Variants in PPP1R13B observed in about 807,000 individuals in gnomAD.
PPP1R13B encodes apoptosis-stimulating of p53 protein 1.
Under a neutral mutation model 119.8 loss-of-function variants are expected in PPP1R13B, and 44 were observed. That is an observed-to-expected ratio of 0.37 (90% CI 0.29 to 0.47). The LOEUF is 0.47. Among genes scored for constraint, PPP1R13B ranks in the 20% least tolerant of loss-of-function variants. The pLI is 0.99. For synonymous variants in PPP1R13B, 542 were observed against 561.5 expected (o/e 0.97, Z 0.49); for missense variants, 1,227 against 1,413.5 (o/e 0.87, Z 2.12).
rs891656496 is a variant in PPP1R13B at position 103,847,518 on chromosome 14, G to GGCC, written c.-214_-212dup. 3.4e-4 allele frequency: 334 copies of GGCC among 984,584 alleles called. No homozygotes were observed. Among genetic ancestry groups the GGCC allele is most frequent in the Admixed American group, 1.1e-3 (18 of 16,012 alleles). The allele number at this position is 984,584 out of a possible 1,614,324, so 61.0% of individuals were successfully genotyped here. ...CGCTGCGTCGCTGTCCCGGGCACCC[G>GGCC]GCCGCCGCCGCCGCCGCCTCAACCT... On this transcript the variant is annotated 5_prime_UTR_variant, in exon 1 of 17. Transcript: ENST00000202556.
At chr14:103,760,855 A>G (rs930380711) in intron 4 of PPP1R13B, among the ~76,000 whole-genome samples, 9 of 152,204 alleles carry the variant, frequency 5.9e-5, no homozygotes, top group Non-Finnish European at 1.3e-4. Flanking sequence ...TTATCTGATC[A>G]TATCACTGCC....
intron 4 of PPP1R13B, among the ~76,000 whole-genome samples, chr14:103,769,141 A>C (rs886617189): frequency 1.3e-5 from 2 of 152,102 alleles, no homozygotes; most frequent in Non-Finnish European, 2.9e-5. Context: ...GCTGGAGTGC[A>C]GTGGTGCGAT....
chr14:103,778,504 T>G (rs1400028548), intron 4 of PPP1R13B: 1 of 416,694 alleles, frequency 2.4e-6, no homozygotes, highest in Non-Finnish European at 4.3e-6. Flanking sequence ...TCGTGATCTG[T>G]GCGCCTCAGT....
chr14:103,784,874 A>T lies in PPP1R13B; in HGVS notation c.198T>A (p.Leu66=). ...CTTCCCTCCGTGGACCCCATTTCTG[A>T]AGATGTTCGTACATCATATGATCAA... ...IPFDHMMYEH[L]QKWGPRREEV... The change falls in exon 3 of 17, where the codon CTT becomes CTA. Residue 66 remains leucine, a synonymous_variant. Coordinates refer to ENST00000202556, the MANE Select transcript of PPP1R13B (RefSeq NM_015316.3). The T allele has an allele frequency of 6.2e-7, 1 of 1,608,892 alleles. No individual in the cohort carries two copies. The highest frequency in any genetic ancestry group is 8.5e-7 in the Non-Finnish European group (1 of 1,176,140).
intron 16 of PPP1R13B, among the ~76,000 whole-genome samples, chr14:103,735,484 G>C (rs983684353): frequency 2.6e-5 from 4 of 152,212 alleles, no homozygotes; most frequent in South Asian, 2.1e-4. Flanking sequence ...AAGGGTCTCT[G>C]CCTGGCTCCC....
intron 1 of PPP1R13B, among the ~76,000 whole-genome samples, chr14:103,817,718 C>T (rs1294922481): frequency 6.6e-6 from 1 of 152,060 alleles, no homozygotes; most frequent in African/African-American, 2.4e-5. Flanking sequence ...AAGCCCCTCT[C>T]CTTTTTTTTA....
chr14:103,787,119 G>T (rs1326613565), intron 2 of PPP1R13B, among the ~76,000 whole-genome samples: 1 of 151,992 alleles, frequency 6.6e-6, no homozygotes, highest in Non-Finnish European at 1.5e-5. Flanking sequence ...TGCCCAAAGT[G>T]CTGGGATTGC....
intron 5 of PPP1R13B, among the ~76,000 whole-genome samples, chr14:103,755,322 A>ATTT: frequency 6.6e-6 from 1 of 152,224 alleles, no homozygotes; most frequent in Non-Finnish European, 1.5e-5. Context: ...TTTTACACTG[A>ATTT]AAAGAGATAA....
chr14:103,811,579 T>C (rs914101904), intron 1 of PPP1R13B, among the ~76,000 whole-genome samples: 1 of 151,866 alleles, frequency 6.6e-6, no homozygotes, highest in Non-Finnish European at 1.5e-5. Context: ...TCCCAGCTTC[T>C]TGGGAGGCTG....
chr14:103,829,611 T>C (rs970192802), intron 1 of PPP1R13B, among the ~76,000 whole-genome samples: 1 of 152,074 alleles, frequency 6.6e-6, no homozygotes, highest in African/African-American at 2.4e-5. Flanking sequence ...CACACATCTA[T>C]AGTGTATAGT....
chr14:103,734,655 C>G lies in PPP1R13B; in HGVS notation c.*499G>C, dbSNP rs767018510. ...CAGCAACACTGGACATGTTTCCATA[C>G]AGAGGCTCCTTTGGTGATGAAGGGA... is the stretch of plus-strand genomic sequence containing the variant. On this transcript the variant is annotated 3_prime_UTR_variant, in exon 17 of 17. Coordinates refer to ENST00000202556, the MANE Select transcript of PPP1R13B (RefSeq NM_015316.3). 2.2e-6 allele frequency: 1 copy of G among 456,618 alleles called. No individual in the cohort carries two copies. Among genetic ancestry groups the G allele is most frequent in the Non-Finnish European group, 4.4e-6 (1 of 226,918 alleles). 28.3% of individuals were successfully genotyped at this position (456,618 alleles called of 1,614,324 possible).
At position 103,742,552 on chromosome 14, in the gene PPP1R13B, A is replaced by C; in HGVS notation, c.1320+102T>G. On this transcript the variant is annotated intron_variant, in intron 10 of 16. Coordinates refer to ENST00000202556, the MANE Select transcript of PPP1R13B (RefSeq NM_015316.3). The surrounding 1 kb of genome is among the most constrained non-coding windows in gnomAD (Gnocchi z 4.9). ...GTGTTGTCTGGACAATAACAGGATTAACTTGCCTCCTGACAAGTCATACCC... is the reference window on the plus strand; with the variant it reads ...GTGTTGTCTGGACAATAACAGGATTCACTTGCCTCCTGACAAGTCATACCC... The C allele has an allele frequency of 6.9e-7, 1 of 1,447,056 alleles. No individual in the cohort carries two copies. 89.6% of individuals were successfully genotyped at this position (1,447,056 alleles called of 1,614,324 possible).
chr14:103,779,737 T>C (rs2085294932), intron 3 of PPP1R13B, among the ~76,000 whole-genome samples: 1 of 152,078 alleles, frequency 6.6e-6, no homozygotes, highest in African/African-American at 2.4e-5. Context: ...CAGTGAACCA[T>C]GATCGCACCA....
At chr14:103,823,812 AAATT>A (rs1321851311) in intron 1 of PPP1R13B, among the ~76,000 whole-genome samples, 3 of 151,760 alleles carry the variant, frequency 2.0e-5, no homozygotes, top group Non-Finnish European at 2.9e-5. Flanking sequence ...TTATTTTTAC[AAATT>A]AATATACATA....
chr14:103,798,055 T>C (rs1374830649), intron 1 of PPP1R13B, among the ~76,000 whole-genome samples: 1 of 151,976 alleles, frequency 6.6e-6, no homozygotes, highest in Non-Finnish European at 1.5e-5. Context: ...TTCCCTTTTA[T>C]AGCTTTGGAA....
chr14:103,751,658 G>A (rs1161929772), intron 7 of PPP1R13B, among the ~76,000 whole-genome samples: 1 of 152,142 alleles, frequency 6.6e-6, no homozygotes, highest in African/African-American at 2.4e-5. Flanking sequence ...CCATGATGAA[G>A]TTCACGGAGA....
chr14:103,776,815 T>C lies in PPP1R13B; in HGVS notation c.354+1930A>G, dbSNP rs190210676. ...TGAATCCGGGAGGCGGAGCTTGCAG[T>C]GAGCCCAGATCAGGCCACTGCACTC... On this transcript the variant is annotated intron_variant, in intron 4 of 16. Transcript: ENST00000202556. Among the ~76,000 whole-genome samples the C allele has an allele frequency of 7.8e-3, 1,157 of 148,808 alleles. 9 individuals are homozygous for C. Among genetic ancestry groups the C allele is most frequent in the Non-Finnish European group, 0.012 (795 of 67,270 alleles).
intron 3 of PPP1R13B, among the ~76,000 whole-genome samples, chr14:103,783,650 C>A (rs1438577447): frequency 6.6e-6 from 1 of 151,828 alleles, no homozygotes; most frequent in Non-Finnish European, 1.5e-5. Context: ...CTCCTGGGCT[C>A]AATCGATCCT....
At chr14:103,769,688 C>A (rs1351869227) in intron 4 of PPP1R13B, among the ~76,000 whole-genome samples, 1 of 152,106 alleles carries the variant, frequency 6.6e-6, no homozygotes, top group African/African-American at 2.4e-5. Flanking sequence ...TGAAATCATT[C>A]CTCTTTGTTC....
Sources: allele counts gnomAD v4.1 joint callset (sites outside exome capture counted in the v4.1 genomes callset), GRCh38; gene constraint gnomAD v4.1.1; non-coding constraint Gnocchi (gnomAD v3.1); transcripts MANE v1.5; gene names NCBI Gene and HGNC (gene_info 2026-07-23, HGNC 2026-07-21).